PGLYRP2: variants seen among roughly 807,000 people sequenced by gnomAD.
PGLYRP2 encodes the protein N-acetylmuramoyl-L-alanine amidase.
PGLYRP2 carries 38 observed loss-of-function variants against 46.2 expected under a neutral mutation model. The observed-to-expected ratio is 0.82, with a 90% CI of 0.64 to 1.08. The LOEUF (loss-of-function observed/expected upper bound fraction) is 1.08. PGLYRP2 is among the 50% of genes least tolerant of loss of function. The pLI is 0.00. For missense variants in PGLYRP2, 713 were observed against 755.9 expected, an observed-to-expected ratio of 0.94 and a Z score of 0.67; for synonymous variants, 289 against 329.4, an observed-to-expected ratio of 0.88 and a Z score of 1.33.
chr19:15,476,515 G>T lies in PGLYRP2; in HGVS notation c.155C>A (p.Ala52Glu). 6.2e-7 allele frequency: 1 copy of T among 1,614,134 alleles called. No homozygotes were observed. The highest frequency in any genetic ancestry group is 8.5e-7 in the Non-Finnish European group (1 of 1,180,012). The change falls in exon 2 of 5, where the codon GCG becomes GAG. Residue 52 changes from alanine to glutamate, a missense_variant. Ala to Glu is a moderately radical substitution (Grantham distance 107). Coordinates refer to ENST00000340880, the MANE Select transcript of PGLYRP2 (RefSeq NM_052890.4). ...AGAGTTTGGAGCTGACATCAGCCAC[G>T]CAGAAGCTGTGTGTCTGGTCTTGGC... ...PAAKTRHTAS[A>E]WLMSAPNSGP... is the part of the protein sequence containing the mutation.
chr19:15,468,789 G>T (rs1285849672), intron 4 of PGLYRP2, 37 bp from the exon 5 acceptor site: 1 of 1,544,430 alleles, frequency 6.5e-7, no homozygotes, highest in Non-Finnish European at 8.9e-7. Flanking sequence ...CTTGGGGGTG[G>T]TTGTGGTATG....
Position 15,475,820 on chromosome 19 carries a change from C to A in PGLYRP2, c.850G>T (p.Asp284Tyr). ...NGALDGVILG[D>Y]YLSRTPEPRP... ...GGCTCAGGAGTCCGGCTCAGGTAGT[C>A]TCCAAGGATGACCCCATCCAGGGCG... Residue 284 changes from aspartate to tyrosine, a missense_variant, in exon 2 of 5, where the codon GAC (aspartate) becomes TAC (tyrosine). By Grantham distance (160) the Asp-to-Tyr change is radical. Transcript: ENST00000340880. 6.2e-7 allele frequency: 1 copy of A among 1,614,116 alleles called. No homozygotes were observed. Among genetic ancestry groups the A allele is most frequent in the Non-Finnish European group, 8.5e-7 (1 of 1,180,032 alleles).
At chr19:15,470,064 C>T (rs1385839170) in intron 3 of PGLYRP2, 135 bp from the exon 4 acceptor site, 1 of 912,732 alleles carries the variant, frequency 1.1e-6, no homozygotes, top group Non-Finnish European at 1.5e-6. Flanking sequence ...TGCCTGTGTC[C>T]CATCCAGCTC....
chr19:15,477,726 T>TTAAAATAAAATAAAATAAAA (rs55707700), intron 1 of PGLYRP2, among the ~76,000 whole-genome samples: 6 of 144,302 alleles, frequency 4.2e-5, no homozygotes, highest in South Asian at 2.2e-4. Flanking sequence ...TAAAATTAAA[T>TTAAAATAAAATAAAATAAAA]TAAAATAAAA....
rs1335336573 is a variant in PGLYRP2, at chr19:15,469,902, C to T, written c.1371G>A (p.Val457=). The change falls in exon 4 of 5, where the codon GTG becomes GTA. Residue 457 remains valine, a synonymous_variant. Coordinates refer to ENST00000340880, the MANE Select transcript of PGLYRP2 (RefSeq NM_052890.4). The surrounding 1 kb of genome is among the most constrained non-coding windows in gnomAD (Gnocchi z 4.9). ...YSFVVGSDGY[V]YEGRGWHWVG... ...CCCAGTGCCAGCCGCGTCCCTCGTA[C>T]ACGTAGCCGTCCGAGCCCACCACGA... The T allele has an allele frequency of 4.1e-6, 6 of 1,458,092 alleles. No homozygotes were observed. In the East Asian group the frequency reaches 1.1e-4, roughly 26 times the overall value. The allele number at this position is 1,458,092 out of a possible 1,614,324, so 90.3% of individuals were successfully genotyped here.
intron 1 of PGLYRP2, among the ~76,000 whole-genome samples, chr19:15,478,825 T>C (rs986497933): frequency 8.5e-5 from 13 of 152,080 alleles, no homozygotes; most frequent in African/African-American, 2.9e-4. Flanking sequence ...TTTCACCATG[T>C]TGGCCAGGCT....
At chr19:15,477,392 CA>C (rs34640786) in intron 1 of PGLYRP2, among the ~76,000 whole-genome samples, 9,216 of 80,354 alleles carry the variant, frequency 0.11, 228 homozygotes, top group Non-Finnish European at 0.14. Flanking sequence ...GACTTTGTCT[CA>C]AAAAAAAAAA....
Position 15,469,073 on chromosome 19 carries a change from G to A in PGLYRP2, c.1642-321C>T, listed in dbSNP as rs1970718776. 1.9e-6 allele frequency: 1 copy of A among 513,844 alleles called. No homozygotes were observed. Among genetic ancestry groups the A allele is most frequent in the East Asian group, 3.2e-5 (1 of 31,480 alleles). The allele number at this position is 513,844 out of a possible 1,614,324, so 31.8% of individuals were successfully genotyped here. On this transcript the variant is annotated intron_variant, in intron 4 of 4. Coordinates refer to ENST00000340880, the MANE Select transcript of PGLYRP2 (RefSeq NM_052890.4). This position sits in a 1 kb window ranked among gnomAD's most constrained non-coding sequence, Gnocchi z 4.9. ...CATCAGGGGTTAAGGAGTCAGGGAC[G>A]AAACAAGCAACCTCAGAGTTGAGAT...
At position 15,479,355 on chromosome 19, in the gene PGLYRP2, A is replaced by T; in HGVS notation, c.17T>A (p.Leu6His). 6.2e-7 allele frequency: 1 copy of T among 1,614,076 alleles called. No homozygotes were observed. Among genetic ancestry groups the T allele is most frequent in the Non-Finnish European group, 8.5e-7 (1 of 1,179,990 alleles). Residue 6 changes from leucine (L) to histidine (H), a missense_variant, in exon 1 of 5, where the codon CTC (leucine) becomes CAC (histidine). By Grantham distance (99) the Leu-to-His change is moderately conservative. Transcript: ENST00000340880. ...CAGTAGCAATCCGAGTAGGATCCAGAGGACACCCTGGGCCATTGTTGCAGG... is the reference window on the plus strand; with the variant it reads ...CAGTAGCAATCCGAGTAGGATCCAGTGGACACCCTGGGCCATTGTTGCAGG... MAQGV[L>H]WILLGLLLWS...
chr19:15,468,846 G>C, intron 4 of PGLYRP2, 94 bp from the exon 5 acceptor site: 3 of 929,140 alleles, frequency 3.2e-6, no homozygotes, highest in Non-Finnish European at 5.0e-6. Context: ...TCAGGGAGGG[G>C]ACAGTGGCCC....
Position 15,476,577 on chromosome 19 carries a change from G to A in PGLYRP2, c.93C>T (p.Ile31=). 1 of 1,610,438 alleles carries A rather than the reference G, an allele frequency of 6.2e-7. No individual in the cohort carries two copies. The highest frequency in any genetic ancestry group is 8.5e-7 in the Non-Finnish European group (1 of 1,178,350). The change falls in exon 2 of 5, where the codon ATC becomes ATT. Residue 31 remains isoleucine (I), a synonymous_variant. Transcript: ENST00000340880. ...ASLPLLMDSV[I]QALAELEQKV... is the part of the protein sequence containing the mutation. ...TCTGCTCCAGCTCAGCCAGGGCCTG[G>A]ATGACAGAGTCCATGAGCAGGGGCA... is the stretch of plus-strand genomic sequence containing the variant.
intron 3 of PGLYRP2, among the ~76,000 whole-genome samples, chr19:15,471,103 CTTTTTTTTTTTTT>C: frequency 1.3e-5 from 1 of 79,464 alleles, no homozygotes; most frequent in East Asian, 5.1e-4. Context: ...CCATGCCCAG[CTTTTTTTTTTTTT>C]TTTTTTTTTT....
chr19:15,476,387 T>C lies in PGLYRP2; in HGVS notation c.283A>G (p.Lys95Glu), dbSNP rs376877606. Residue 95 changes from lysine (K) to glutamate (E), a missense_variant, in exon 2 of 5, where the codon AAG becomes GAG. Lys to Glu is a moderately conservative substitution (Grantham distance 56). Coordinates refer to ENST00000340880, the MANE Select transcript of PGLYRP2 (RefSeq NM_052890.4). ...PLSPELLGLT[K>E]EVARHDVREG... ...CGTACGTCATGTCGGGCCACCTCCT[T>C]GGTCAGGCCTAACAGCTCTGGGCTT... is the stretch of plus-strand genomic sequence containing the variant. 6.2e-7 allele frequency: 1 copy of C among 1,613,900 alleles called. No homozygotes were observed. Among genetic ancestry groups the C allele is most frequent in the African/African-American group, 1.3e-5 (1 of 74,894 alleles).
intron 3 of PGLYRP2, among the ~76,000 whole-genome samples, chr19:15,471,251 T>A (rs999663031): frequency 7.2e-5 from 11 of 151,832 alleles, no homozygotes; most frequent in Admixed American, 7.2e-4. Flanking sequence ...TAGCTGGGAC[T>A]ACAGGCACCC....
In PGLYRP2 at chr19:15,469,713, C is replaced by T. The variant is rs373967906; in HGVS notation, c.1560G>A (p.Leu520=). 58 of 1,506,616 alleles carry T rather than the reference C, an allele frequency of 3.8e-5. No individual in the cohort carries two copies. In the African/African-American group the frequency reaches 7.5e-4, roughly 19 times the overall value. The allele number at this position is 1,506,616 out of a possible 1,614,324, so 93.3% of individuals were successfully genotyped here. Residue 520 remains leucine, a synonymous_variant, in exon 4 of 5, where the codon CTG becomes CTA. Coordinates refer to ENST00000340880, the MANE Select transcript of PGLYRP2 (RefSeq NM_052890.4). The surrounding 1 kb of genome is among the most constrained non-coding windows in gnomAD (Gnocchi z 4.9). Reference sequence around the variant, plus strand: ...CGGTGCGCACCAGCTGGCGGTGGCCCAGCAGCGCGTAGTCTGGCCGCAGGA... The same window carrying T: ...CGGTGCGCACCAGCTGGCGGTGGCCTAGCAGCGCGTAGTCTGGCCGCAGGA... ...AGLLRPDYAL[L]GHRQLVRTDC... is the part of the protein sequence containing the mutation.
Position 15,479,447 on chromosome 19 carries a change from C to G in PGLYRP2, c.-76G>C, listed in dbSNP as rs753902332. On this transcript the variant is annotated 5_prime_UTR_variant, in exon 1 of 5. Coordinates refer to ENST00000340880, the MANE Select transcript of PGLYRP2 (RefSeq NM_052890.4). ...GAACCTCGGCAGTGCTGGAGGGAGACAGGCACAGAGAACTGAGCAGAGCCT... is the reference window on the plus strand; with the variant it reads ...GAACCTCGGCAGTGCTGGAGGGAGAGAGGCACAGAGAACTGAGCAGAGCCT... The G allele has an allele frequency of 1.1e-5, 16 of 1,417,134 alleles. No individual in the cohort carries two copies. Among genetic ancestry groups the G allele is most frequent in the African/African-American group, 4.3e-5 (3 of 69,796 alleles). 87.8% of individuals were successfully genotyped at this position (1,417,134 alleles called of 1,614,324 possible). A position where few individuals can be genotyped will look rare whatever the true frequency, so the allele number is the denominator to read the frequency against.
chr19:15,469,329 G>C lies in PGLYRP2; in HGVS notation c.1641+303C>G. On this transcript the variant is annotated intron_variant, in intron 4 of 4. Coordinates refer to ENST00000340880, the MANE Select transcript of PGLYRP2 (RefSeq NM_052890.4). This position sits in a 1 kb window ranked among gnomAD's most constrained non-coding sequence, Gnocchi z 4.9. ...TGTGAGGGCAGAGGGGCTGTTGGCA[G>C]GTGTCAGGGTCCATGCCTTGGCTGG... is the stretch of plus-strand genomic sequence containing the variant. The C allele has an allele frequency of 1.6e-6, 1 of 640,446 alleles. No individual in the cohort carries two copies. Among genetic ancestry groups the C allele is most frequent in the Non-Finnish European group, 2.8e-6 (1 of 351,532 alleles). The allele number at this position is 640,446 out of a possible 1,614,324, so 39.7% of individuals were successfully genotyped here. A position where few individuals can be genotyped will look rare whatever the true frequency, so the allele number is the denominator to read the frequency against.
chr19:15,470,346 A>G (rs1970736687), intron 3 of PGLYRP2, among the ~76,000 whole-genome samples: 1 of 141,204 alleles, frequency 7.1e-6, no homozygotes, highest in South Asian at 2.2e-4. Context: ...GCTGAGGCTG[A>G]AGTGCAAGGG....
intron 1 of PGLYRP2, among the ~76,000 whole-genome samples, chr19:15,477,710 A>AAT (rs1275757428): frequency 8.1e-5 from 4 of 49,492 alleles, no homozygotes; most frequent in East Asian, 2.4e-3. Context: ...AATAAAATAA[A>AAT]TAAAATAAAA....
Sources: gnomAD v4.1 joint callset for allele counts (sites outside exome capture counted in the v4.1 genomes callset) on GRCh38, gnomAD v4.1.1 for gene constraint, Gnocchi (gnomAD v3.1) non-coding constraint, MANE v1.5 for transcripts, NCBI Gene and HGNC (gene_info 2026-07-23, HGNC 2026-07-21) for gene names.